ARSB: variants seen among roughly 807,000 people sequenced by gnomAD.
ARSB encodes arylsulfatase B.
ARSB carries 41 observed loss-of-function variants against 50.9 expected under a neutral mutation model. The ratio of observed to expected loss-of-function variants is 0.81; its 90% CI spans 0.63 to 1.04. The LOEUF (loss-of-function observed/expected upper bound fraction) is 1.04, where lower values mean the gene tolerates loss of function less well. Among genes scored for constraint, ARSB ranks in the 50% least tolerant of loss-of-function variants. The pLI is 0.00. For missense variants in ARSB, 672 were observed against 693.3 expected, an observed-to-expected ratio of 0.97 and a Z score of 0.35; for synonymous variants, 269 against 284.8, an observed-to-expected ratio of 0.94 and a Z score of 0.56.
intron 5 of ARSB, among the ~76,000 whole-genome samples, chr5:78,874,830 C>T (rs563528931): frequency 5.9e-5 from 9 of 152,222 alleles, no homozygotes; most frequent in Middle Eastern, 3.4e-3. Context: ...ACAATTAGCC[C>T]AGGAGTGATG....
chr5:78,831,083 C>T (rs1422542289), intron 6 of ARSB, among the ~76,000 whole-genome samples: 1 of 152,130 alleles, frequency 6.6e-6, no homozygotes, highest in Non-Finnish European at 1.5e-5. Flanking sequence ...AAAAGTGCAA[C>T]TTTCCCACCC....
At chr5:78,946,553 G>A (rs1281908512) in intron 4 of ARSB, among the ~76,000 whole-genome samples, 1 of 152,092 alleles carries the variant, frequency 6.6e-6, no homozygotes, top group Non-Finnish European at 1.5e-5. Context: ...TAAGTAGTAA[G>A]TAGATCACTA....
intron 4 of ARSB, among the ~76,000 whole-genome samples, chr5:78,910,039 C>T (rs1407428283): frequency 6.6e-6 from 1 of 152,248 alleles, no homozygotes; most frequent in Non-Finnish European, 1.5e-5. Flanking sequence ...ATGTGGCCTA[C>T]ATGCACATCC....
At chr5:78,904,159 A>C (rs1748928330) in intron 4 of ARSB, among the ~76,000 whole-genome samples, 1 of 152,236 alleles carries the variant, frequency 6.6e-6, no homozygotes, top group Admixed American at 6.5e-5. Flanking sequence ...CATCCATGCT[A>C]ATGTGTGTAT....
chr5:78,976,603 C>T (rs1250586967), intron 1 of ARSB, among the ~76,000 whole-genome samples: 1 of 152,140 alleles, frequency 6.6e-6, no homozygotes, highest in African/African-American at 2.4e-5. Flanking sequence ...CCACTGCGCC[C>T]AGCCAAGCTT....
At chr5:78,936,034 CACCTCCCTCCCTCTCTCTTTCCCT>C (rs1750575492) in intron 4 of ARSB, among the ~76,000 whole-genome samples, 1 of 118,328 alleles carries the variant, frequency 8.5e-6, no homozygotes, top group Non-Finnish European at 1.8e-5. Context: ...TCTCCCCCCC[CACCTCCCTCCCTCTCTCTTTCCCT>C]CCCTCCCTCC....
chr5:78,864,536 C>A lies in ARSB; in HGVS notation c.1142+21048G>T, dbSNP rs536308914. ...AGTTCCAGATGAGATCTGGTGGGGA[C>A]ACAGAGCCAAACCATATCATTCCAC... On this transcript the variant is annotated intron_variant, in intron 5 of 7. Coordinates refer to ENST00000264914, the MANE Select transcript of ARSB (RefSeq NM_000046.5). Among the ~76,000 whole-genome samples, 3 of 152,214 alleles carry A rather than the reference C, an allele frequency of 2.0e-5. No individual in the cohort carries two copies. In the South Asian group the frequency reaches 6.2e-4, roughly 32 times the overall value.
At chr5:78,887,144 TA>T (rs1480714041) in intron 4 of ARSB, among the ~76,000 whole-genome samples, 1 of 152,220 alleles carries the variant, frequency 6.6e-6, no homozygotes, top group African/African-American at 2.4e-5. Flanking sequence ...CTAGGTAATT[TA>T]TAAAGAAAAC....
intron 4 of ARSB, among the ~76,000 whole-genome samples, chr5:78,905,119 A>G (rs1748992273): frequency 6.6e-6 from 1 of 151,968 alleles, no homozygotes; most frequent in African/African-American, 2.4e-5. Context: ...TATAATTTTC[A>G]TTTGTTTTGT....
At position 78,835,245 on chromosome 5, in the gene ARSB, A is replaced by G. The variant is rs575980239; in HGVS notation, c.1213+4111T>C. Among the ~76,000 whole-genome samples, 278 of 152,210 alleles carry G rather than the reference A, an allele frequency of 1.8e-3. 3 individuals carry two copies. The highest frequency in any genetic ancestry group is 3.3e-3 in the Non-Finnish European group (225 of 68,010). On this transcript the variant is annotated intron_variant, in intron 6 of 7. Coordinates refer to ENST00000264914, the MANE Select transcript of ARSB (RefSeq NM_000046.5). ...ACCATGTGCATGTGACCATGAAAAA[A>G]ATCCTGACTCCACCAGCAGGATGGG...
chr5:78,830,506 AG>A (rs1201652529), intron 6 of ARSB, among the ~76,000 whole-genome samples: 3 of 152,134 alleles, frequency 2.0e-5, no homozygotes, highest in Non-Finnish European at 4.4e-5. Flanking sequence ...AGAGTTAATT[AG>A]TGTTTTTAAA....
At chr5:78,980,744 G>GTGTGTGTGTGTGTGTGTGTGTGTGTGTA (rs57536545) in intron 1 of ARSB, among the ~76,000 whole-genome samples, 2 of 151,504 alleles carry the variant, frequency 1.3e-5, no homozygotes, top group African/African-American at 4.8e-5. Flanking sequence ...ATGTGTGTGT[G>GTGTGTGTGTGTGTGTGTGTGTGTGTGTA]TGTGTGTGTG....
intron 1 of ARSB, among the ~76,000 whole-genome samples, chr5:78,984,427 G>A (rs755858009): frequency 6.6e-6 from 1 of 152,178 alleles, no homozygotes; most frequent in East Asian, 1.9e-4. Flanking sequence ...CTAGCATCAG[G>A]TTTCATTCCA....
chr5:78,831,963 T>C (rs929907679), intron 6 of ARSB, among the ~76,000 whole-genome samples: 3 of 152,178 alleles, frequency 2.0e-5, no homozygotes, highest in Non-Finnish European at 4.4e-5. Context: ...TCGAATCAGC[T>C]GATGATAAAT....
intron 5 of ARSB, among the ~76,000 whole-genome samples, chr5:78,879,010 C>T (rs1412719375): frequency 1.3e-5 from 2 of 152,032 alleles, no homozygotes; most frequent in Non-Finnish European, 2.9e-5. Flanking sequence ...TGTGCCAACA[C>T]ACCCAGCTAA....
intron 5 of ARSB, among the ~76,000 whole-genome samples, chr5:78,870,467 T>A (rs1028522813): frequency 3.5e-5 from 5 of 142,048 alleles, no homozygotes; most frequent in South Asian, 4.7e-4. Flanking sequence ...TTATCCACCA[T>A]GATCAAGTGG....
intron 4 of ARSB, among the ~76,000 whole-genome samples, chr5:78,901,047 G>GA (rs71001135): frequency 0.046 from 5,260 of 115,176 alleles, 456 homozygotes; most frequent in African/African-American, 0.16. Flanking sequence ...TCCGTCTCAG[G>GA]AAAAAAAAAA....
At chr5:78,818,115 T>C (rs1307444748) in intron 6 of ARSB, among the ~76,000 whole-genome samples, 1 of 152,170 alleles carries the variant, frequency 6.6e-6, no homozygotes, top group African/African-American at 2.4e-5. Flanking sequence ...ACCACTGCAC[T>C]CCAGCCTGGG....
intron 2 of ARSB, among the ~76,000 whole-genome samples, chr5:78,965,514 T>C (rs556121518): frequency 1.3e-5 from 2 of 152,214 alleles, no homozygotes; most frequent in South Asian, 4.1e-4. Context: ...GTTTCTTTTT[T>C]GGGGATGATA....
Sources: allele counts gnomAD v4.1 joint callset (sites outside exome capture counted in the v4.1 genomes callset), GRCh38; gene constraint gnomAD v4.1.1; transcripts MANE v1.5; gene names NCBI Gene and HGNC (gene_info 2026-07-23, HGNC 2026-07-21).